The following SLC39A11 variants were observed in gnomAD, a reference collection of about 807,000 sequenced individuals.
SLC39A11 encodes the protein zinc transporter ZIP11.
Under a neutral mutation model 36.1 loss-of-function variants are expected in SLC39A11, and 33 were observed. The observed-to-expected ratio is 0.91, with a 90% CI of 0.69 to 1.22. The LOEUF (loss-of-function observed/expected upper bound fraction) is 1.22. Among genes scored for constraint, SLC39A11 ranks in the 50% most tolerant of loss-of-function variants. The pLI is 0.00. For missense variants in SLC39A11, 432 were observed against 430.3 expected (o/e 1.00, Z -0.03); for synonymous variants, 166 against 170.3 (o/e 0.97, Z 0.20).
At chr17:72,797,522 T>C (rs761685390) in intron 6 of SLC39A11, among the ~76,000 whole-genome samples, 25 of 152,036 alleles carry the variant, frequency 1.6e-4, no homozygotes, top group Admixed American at 2.0e-4. Context: ...AAGGCTCTAT[T>C]TGCTTGGGGG....
intron 5 of SLC39A11, among the ~76,000 whole-genome samples, chr17:72,858,521 G>A (rs1397726436): frequency 1.3e-5 from 2 of 152,204 alleles, no homozygotes; most frequent in Non-Finnish European, 2.9e-5. Flanking sequence ...GAATGTCATT[G>A]GTAGTTTGAT....
chr17:72,649,084 G>T, intron 8 of SLC39A11, 86 bp downstream of exon 8: 1 of 1,546,198 alleles, frequency 6.5e-7, no homozygotes, highest in Non-Finnish European at 8.9e-7. Context: ...TCTGAGCATG[G>T]CAGTGCAAAA....
chr17:72,963,625 A>T (rs1350712549), intron 4 of SLC39A11, among the ~76,000 whole-genome samples: 1 of 152,220 alleles, frequency 6.6e-6, no homozygotes, highest in Non-Finnish European at 1.5e-5. Flanking sequence ...TGTGTTATGA[A>T]TAAGATGTAG....
intron 7 of SLC39A11, among the ~76,000 whole-genome samples, chr17:72,700,642 C>T (rs983113607): frequency 3.3e-5 from 5 of 152,148 alleles, no homozygotes; most frequent in African/African-American, 1.2e-4. Flanking sequence ...TGTATTAGTC[C>T]GTTTTCACGC....
At chr17:72,902,910 G>C (rs1457158536) in intron 5 of SLC39A11, among the ~76,000 whole-genome samples, 6 of 151,086 alleles carry the variant, frequency 4.0e-5, no homozygotes, top group African/African-American at 1.5e-4. Flanking sequence ...GAATTATTTT[G>C]TTTTTTGTTC....
At chr17:73,023,211 T>TTC (rs572213945) in intron 4 of SLC39A11, among the ~76,000 whole-genome samples, 95 of 151,870 alleles carry the variant, frequency 6.3e-4, no homozygotes, top group Middle Eastern at 6.8e-3. Flanking sequence ...TCTACCATCT[T>TTC]TCAATCACAG....
At chr17:72,655,324 C>T (rs1266302351) in intron 7 of SLC39A11, among the ~76,000 whole-genome samples, 1 of 152,262 alleles carries the variant, frequency 6.6e-6, no homozygotes, top group Non-Finnish European at 1.5e-5. Context: ...GGACACAGTC[C>T]CTTCCAGCCC....
chr17:72,859,396 T>C (rs144777593), intron 5 of SLC39A11, among the ~76,000 whole-genome samples: 247 of 152,154 alleles, frequency 1.6e-3, no homozygotes, highest in African/African-American at 5.4e-3. Context: ...AAGGTGTTCA[T>C]TGTTTATTTG....
At chr17:72,665,389 G>GTTTTTTTTTTTGTT (rs2070689959) in intron 7 of SLC39A11, among the ~76,000 whole-genome samples, 1 of 76,636 alleles carries the variant, frequency 1.3e-5, no homozygotes, top group African/African-American at 5.3e-5. Context: ...GTTTTGAGGT[G>GTTTTTTTTTTTGTT]TTTTTTTTTT....
chr17:72,829,726 T>C (rs2078191104), intron 6 of SLC39A11, among the ~76,000 whole-genome samples: 1 of 152,172 alleles, frequency 6.6e-6, no homozygotes, highest in Non-Finnish European at 1.5e-5. Flanking sequence ...TAAACCACCC[T>C]GGTGTCCCCA....
chr17:72,885,534 C>CCAT (rs1466729592), intron 5 of SLC39A11, among the ~76,000 whole-genome samples: 1 of 152,136 alleles, frequency 6.6e-6, no homozygotes, highest in Non-Finnish European at 1.5e-5. Flanking sequence ...GTCCTGTGCA[C>CCAT]CATCTCAACC....
intron 6 of SLC39A11, among the ~76,000 whole-genome samples, chr17:72,806,058 C>G (rs367799333): frequency 1.4e-4 from 22 of 152,186 alleles, no homozygotes; most frequent in African/African-American, 3.1e-4. Context: ...TGGTGGCTTA[C>G]AGTTAATTTG....
At chr17:72,962,413 T>C (rs890293139) in intron 4 of SLC39A11, among the ~76,000 whole-genome samples, 2 of 152,202 alleles carry the variant, frequency 1.3e-5, no homozygotes, top group African/African-American at 4.8e-5. Context: ...TCCAAGCATA[T>C]TGGCTGTTGT....
intron 5 of SLC39A11, among the ~76,000 whole-genome samples, chr17:72,924,042 G>C (rs1427648453): frequency 2.7e-5 from 4 of 150,918 alleles, no homozygotes; most frequent in Non-Finnish European, 5.9e-5. Context: ...AGGTACTAGG[G>C]AAGCTGAGGT....
At chr17:72,703,727 C>T (rs8078261) in intron 7 of SLC39A11, among the ~76,000 whole-genome samples, 35,498 of 152,120 alleles carry the variant, frequency 0.23, 4,340 homozygotes, top group African/African-American at 0.32. Context: ...CCTGAATGAA[C>T]ATAGGAGATG....
chr17:73,018,697 T>C (rs1445300715), intron 4 of SLC39A11, among the ~76,000 whole-genome samples: 1 of 152,020 alleles, frequency 6.6e-6, no homozygotes, highest in Non-Finnish European at 1.5e-5. Flanking sequence ...ATCAAGCATA[T>C]TAACTGCCTG....
At chr17:72,858,083 G>A (rs1051061670) in intron 5 of SLC39A11, among the ~76,000 whole-genome samples, 16 of 152,100 alleles carry the variant, frequency 1.1e-4, no homozygotes, top group Non-Finnish European at 2.2e-4. Context: ...TTCCTAGGTT[G>A]TCTACCAGGG....
chr17:72,721,672 T>G (rs1332358345), intron 7 of SLC39A11, among the ~76,000 whole-genome samples: 1 of 152,136 alleles, frequency 6.6e-6, no homozygotes, highest in African/African-American at 2.4e-5. Context: ...GAAACAGAAC[T>G]TTAAAAGTTA....
At chr17:72,924,147 A>G (rs914392077) in intron 5 of SLC39A11, among the ~76,000 whole-genome samples, 1 of 113,216 alleles carries the variant, frequency 8.8e-6, no homozygotes, top group Non-Finnish European at 1.8e-5. Flanking sequence ...CCCCGTCTCA[A>G]AAAAAAAAAA....
Sources: gnomAD v4.1 joint callset for allele counts (sites outside exome capture counted in the v4.1 genomes callset) on GRCh38, gnomAD v4.1.1 for gene constraint, MANE v1.5 for transcripts, NCBI Gene and HGNC (gene_info 2026-07-23, HGNC 2026-07-21) for gene names.